Variants in RFX3 observed in about 807,000 individuals in gnomAD.
RFX3 encodes regulatory factor X3.
Under a neutral mutation model 98.6 loss-of-function variants are expected in RFX3, and 14 were observed. The observed-to-expected ratio is 0.14, with a 90% CI of 0.09 to 0.22. The LOEUF is 0.22. Among genes scored for constraint, RFX3 ranks in the 10% least tolerant of loss-of-function variants. RFX3 has a pLI of 1.00. For missense variants in RFX3, 639 were observed against 926.9 expected (o/e 0.69, Z 4.03); for synonymous variants, 383 against 328.4 (o/e 1.17, Z -1.80).
intron 4 of RFX3, among the ~76,000 whole-genome samples, chr9:3,308,462 C>T (rs998971701): frequency 6.6e-6 from 1 of 152,114 alleles, no homozygotes; most frequent in African/African-American, 2.4e-5. Context: ...TGATAAAAGA[C>T]GATGAAAAGT....
At chr9:3,263,200 T>C in intron 12 of RFX3, 116 bp from the exon 13 acceptor site, 1 of 1,044,452 alleles carries the variant, frequency 9.6e-7, no homozygotes, top group Non-Finnish European at 1.4e-6. Flanking sequence ...GACACTTATT[T>C]AAAATTCATT....
intron 4 of RFX3, among the ~76,000 whole-genome samples, chr9:3,306,839 A>G (rs777256241): frequency 1.2e-4 from 19 of 152,054 alleles, no homozygotes; most frequent in Non-Finnish European, 2.2e-4. Flanking sequence ...AGCAAACAAG[A>G]TAAGATTGCA....
At chr9:3,246,772 C>A (rs1467426447) in intron 15 of RFX3, among the ~76,000 whole-genome samples, 1 of 152,186 alleles carries the variant, frequency 6.6e-6, no homozygotes, top group African/African-American at 2.4e-5. Context: ...CAATGAAAAG[C>A]CACAGTGATT....
intron 2 of RFX3, among the ~76,000 whole-genome samples, chr9:3,366,819 C>T (rs1432374186): frequency 1.3e-5 from 2 of 150,852 alleles, no homozygotes; most frequent in African/African-American, 4.9e-5. Context: ...TGAAATCATG[C>T]ATGCATTTGG....
intron 2 of RFX3, among the ~76,000 whole-genome samples, chr9:3,391,649 G>C (rs1331315395): frequency 6.6e-6 from 1 of 152,058 alleles, no homozygotes; most frequent in East Asian, 1.9e-4. Context: ...TTTTTTATGA[G>C]GTCAAGAATG....
chr9:3,232,507 G>T (rs1223259820), intron 15 of RFX3, among the ~76,000 whole-genome samples: 2 of 152,092 alleles, frequency 1.3e-5, no homozygotes, highest in Non-Finnish European at 2.9e-5. Flanking sequence ...ACTGCCATGG[G>T]TAAGAAAGTT....
At chr9:3,493,696 AAAAAATAT>A (rs1412523810) in intron 1 of RFX3, among the ~76,000 whole-genome samples, 9 of 123,434 alleles carry the variant, frequency 7.3e-5, no homozygotes, top group African/African-American at 3.4e-4. Flanking sequence ...AAAAAAAAAA[AAAAAATAT>A]ATATATATAT....
chr9:3,369,669 G>C (rs974212202), intron 2 of RFX3, among the ~76,000 whole-genome samples: 22 of 152,306 alleles, frequency 1.4e-4, no homozygotes, highest in African/African-American at 5.1e-4. Flanking sequence ...CAACAAATCA[G>C]ATAATTACTT....
At chr9:3,296,709 A>G (rs1828036388) in intron 5 of RFX3, among the ~76,000 whole-genome samples, 3 of 152,092 alleles carry the variant, frequency 2.0e-5, no homozygotes, top group Non-Finnish European at 4.4e-5. Context: ...AGATGCCTGG[A>G]GAGCAGGTTG....
chr9:3,524,931 C>G (rs1371575494), intron 1 of RFX3, among the ~76,000 whole-genome samples: 1 of 149,802 alleles, frequency 6.7e-6, no homozygotes, highest in East Asian at 1.9e-4. Context: ...TTTCCCAGTA[C>G]AGCAAAGAGG....
intron 12 of RFX3, among the ~76,000 whole-genome samples, chr9:3,263,893 A>G (rs996270274): frequency 6.6e-6 from 1 of 151,970 alleles, no homozygotes; most frequent in Admixed American, 6.6e-5. Flanking sequence ...ATTCACTGCA[A>G]CCTCTGCTTG....
At chr9:3,358,503 C>T (rs1158223287) in intron 2 of RFX3, among the ~76,000 whole-genome samples, 2 of 152,078 alleles carry the variant, frequency 1.3e-5, no homozygotes, top group Non-Finnish European at 2.9e-5. Flanking sequence ...TATATAAATA[C>T]GTCTCTTGAT....
At chr9:3,516,589 G>A (rs1175354373) in intron 1 of RFX3, among the ~76,000 whole-genome samples, 2 of 152,164 alleles carry the variant, frequency 1.3e-5, no homozygotes, top group African/African-American at 4.8e-5. Flanking sequence ...ACCTTGACGG[G>A]ATTTTTAGCT....
At chr9:3,335,024 C>G (rs901191433) in intron 3 of RFX3, among the ~76,000 whole-genome samples, 1 of 152,042 alleles carries the variant, frequency 6.6e-6, no homozygotes, top group African/African-American at 2.4e-5. Flanking sequence ...GAAGCTGAGG[C>G]AGGAGAATCG....
intron 2 of RFX3, among the ~76,000 whole-genome samples, chr9:3,363,697 A>G (rs1294288767): frequency 6.6e-6 from 1 of 152,216 alleles, no homozygotes; most frequent in Non-Finnish European, 1.5e-5. Context: ...ATAGTGACAT[A>G]AGTACAAAGA....
intron 1 of RFX3, among the ~76,000 whole-genome samples, chr9:3,475,000 G>A (rs1849103477): frequency 6.6e-6 from 1 of 151,802 alleles, no homozygotes; most frequent in Non-Finnish European, 1.5e-5. Context: ...TCGGGAGGCT[G>A]AGGCAGGAAG....
chr9:3,346,817 A>G, intron 2 of RFX3, 53 bp from the exon 3 acceptor site: 1 of 1,058,542 alleles, frequency 9.4e-7, no homozygotes, highest in Non-Finnish European at 1.5e-6. Flanking sequence ...TAGGAAGAAT[A>G]CAGAGCATTA....
intron 1 of RFX3, among the ~76,000 whole-genome samples, chr9:3,399,471 T>C (rs1564049442): frequency 6.6e-6 from 1 of 151,616 alleles, no homozygotes; most frequent in Non-Finnish European, 1.5e-5. Flanking sequence ...AAGAAACAAA[T>C]TTCCAGAATT....
intron 1 of RFX3, among the ~76,000 whole-genome samples, chr9:3,483,521 C>T (rs1398502907): frequency 6.6e-6 from 1 of 152,170 alleles, no homozygotes. Flanking sequence ...ACAGAGAAAC[C>T]AGATTCTACC....
Sources: allele counts gnomAD v4.1 joint callset (sites outside exome capture counted in the v4.1 genomes callset), GRCh38; gene constraint gnomAD v4.1.1; transcripts MANE v1.5; gene names NCBI Gene and HGNC (gene_info 2026-07-23, HGNC 2026-07-21).